Variants in AKT3 observed in about 807,000 individuals in gnomAD.
AKT3 encodes AKT serine/threonine kinase 3.
AKT3 carries 15 observed loss-of-function variants against 65.3 expected under a neutral mutation model. That is an observed-to-expected ratio of 0.23 (90% confidence interval 0.15 to 0.35). The LOEUF is 0.35. Ranked by LOEUF, AKT3 falls within the 10% of genes least tolerant of loss-of-function variation. The pLI is 1.00. For synonymous variants in AKT3, 206 were observed against 183.8 expected (o/e 1.12, Z -0.98); for missense variants, 243 against 576.5 (o/e 0.42, Z 5.92).
chr1:243,791,235 G>A (rs1229314232), intron 2 of AKT3, among the ~76,000 whole-genome samples: 2 of 151,692 alleles, frequency 1.3e-5, no homozygotes, highest in African/African-American at 4.8e-5. Flanking sequence ...GTATTGTTTA[G>A]GGGAAAATAA....
intron 4 of AKT3, among the ~76,000 whole-genome samples, chr1:243,659,909 A>G (rs922718457): frequency 1.3e-5 from 2 of 152,196 alleles, no homozygotes; most frequent in African/African-American, 4.8e-5. Flanking sequence ...TTTTTGTATC[A>G]ATGTTCATCA....
rs1302270083 is a variant in AKT3, at chr1:243,717,566, TGA to T, written c.47-21852_47-21851del. 3.3e-5 allele frequency among the ~76,000 whole-genome samples: 5 copies of T among 152,208 alleles called. No individual in the cohort carries two copies. In the East Asian group the frequency reaches 7.7e-4, roughly 23 times the overall value. On this transcript the variant is annotated intron_variant, in intron 2 of 13. Coordinates refer to ENST00000673466, the MANE Select transcript of AKT3 (RefSeq NM_005465.7). The stretch of plus-strand genomic sequence containing the variant: ...TTGCTTTCATTCTCCTTACTTCATA[TGA>T]GAGACAAGTCAGATATTAATATTAC...
rs183331479 is a variant in AKT3 at position 243,695,459 on chromosome 1, A to C, written c.172+132T>G. On this transcript the variant is annotated intron_variant, in intron 3 of 13. Coordinates refer to ENST00000673466, the MANE Select transcript of AKT3 (RefSeq NM_005465.7). The stretch of plus-strand genomic sequence containing the variant: ...ATGCTAAGGGACTGAAATTCTATCA[A>C]AGCTGAAAATTTCTCTATTAAATAT... The C allele has an allele frequency of 2.7e-3, 2,032 of 752,642 alleles. 11 individuals carry two copies. Among genetic ancestry groups the C allele is most frequent in the Admixed American group, 4.9e-3 (146 of 29,886 alleles). 46.6% of individuals were successfully genotyped at this position (752,642 alleles called of 1,614,324 possible). A position where few individuals can be genotyped will look rare whatever the true frequency, so the allele number is the denominator to read the frequency against.
At chr1:243,630,992 C>G (rs1254954849) in intron 6 of AKT3, among the ~76,000 whole-genome samples, 1 of 149,412 alleles carries the variant, frequency 6.7e-6, no homozygotes, top group Non-Finnish European at 1.5e-5. Flanking sequence ...TTTTTCCATA[C>G]AGGCATACGT....
chr1:243,693,594 T>C (rs1210244215), intron 3 of AKT3, among the ~76,000 whole-genome samples: 1 of 152,022 alleles, frequency 6.6e-6, no homozygotes, highest in East Asian at 1.9e-4. Context: ...CAAATGTTTC[T>C]AACATGCTGA....
Position 243,545,604 on chromosome 1 carries a change from G to A in AKT3, c.1164-7C>T, listed in dbSNP as rs187627364. 1.3e-5 allele frequency: 21 copies of A among 1,596,702 alleles called. No homozygotes were observed. The Admixed American group carries it at 1.3e-4, about 10-fold the overall frequency. On this transcript the variant is annotated splice_polypyrimidine_tract_variant and splice_region_variant and intron_variant, in intron 11 of 13. Coordinates refer to ENST00000673466, the MANE Select transcript of AKT3 (RefSeq NM_005465.7). ...ATCTGGTCCTCCACCAAGGCTATGA[G>A]AACAGAAATAAAATTAAGTAAGTAT...
intron 2 of AKT3, among the ~76,000 whole-genome samples, chr1:243,842,372 G>T (rs935773900): frequency 6.6e-6 from 1 of 152,152 alleles, no homozygotes; most frequent in East Asian, 1.9e-4. Context: ...TGGGTAAACA[G>T]TAGTTGCCTA....
chr1:243,659,964 G>A (rs1682159054), intron 4 of AKT3, among the ~76,000 whole-genome samples: 1 of 152,062 alleles, frequency 6.6e-6, no homozygotes, highest in African/African-American at 2.4e-5. Context: ...GTCTCTGCCA[G>A]GCTTTGGTAT....
Position 243,757,388 on chromosome 1 carries a change from C to T in AKT3, c.47-61672G>A, listed in dbSNP as rs376563170. ...AACCCAGCACTTTGGGAGGCTGAGGCGGGTGGATCACCTGAGGTCAGGACT... is the reference window on the plus strand; with the variant it reads ...AACCCAGCACTTTGGGAGGCTGAGGTGGGTGGATCACCTGAGGTCAGGACT... On this transcript the variant is annotated intron_variant, in intron 2 of 13. Transcript: ENST00000673466. Among the ~76,000 whole-genome samples, 30 of 152,214 alleles carry T rather than the reference C, an allele frequency of 2.0e-4. No homozygotes were observed. The East Asian group carries it at 2.3e-3, about 12-fold the overall frequency.
intron 8 of AKT3, among the ~76,000 whole-genome samples, chr1:243,582,573 A>G (rs774941957): frequency 2.0e-5 from 3 of 152,170 alleles, no homozygotes; most frequent in Non-Finnish European, 4.4e-5. Flanking sequence ...AATTTGTTAC[A>G]ACTAGACCAG....
chr1:243,692,978 A>T (rs1684796646), intron 3 of AKT3, among the ~76,000 whole-genome samples: 1 of 151,892 alleles, frequency 6.6e-6, no homozygotes, highest in East Asian at 2.0e-4. Context: ...GGAGGAAGCT[A>T]GACTGCAGTG....
At chr1:243,757,572 C>T (rs564780981) in intron 2 of AKT3, among the ~76,000 whole-genome samples, 2 of 151,752 alleles carry the variant, frequency 1.3e-5, no homozygotes, top group Non-Finnish European at 2.9e-5. Context: ...GAGCCAAGAT[C>T]GTGCCACTGC....
rs537941078 is a variant in AKT3, at chr1:243,513,156, C to T, written c.1252-730G>A. Among the ~76,000 whole-genome samples, 3 of 152,262 alleles carry T rather than the reference C, an allele frequency of 2.0e-5. No homozygotes were observed. The South Asian group carries it at 6.2e-4, about 32-fold the overall frequency. On this transcript the variant is annotated intron_variant, in intron 12 of 13. Coordinates refer to ENST00000673466, the MANE Select transcript of AKT3 (RefSeq NM_005465.7). The stretch of plus-strand genomic sequence containing the variant: ...GAAGGTGGGGGTGGAAGGAAAGTCT[C>T]GGGCTACTGGAGGTTTCAGGAGCCG...
chr1:243,522,633 GGC>G (rs1670792658), intron 12 of AKT3, among the ~76,000 whole-genome samples: 1 of 151,820 alleles, frequency 6.6e-6, no homozygotes, highest in Non-Finnish European at 1.5e-5. Context: ...GAGAGACCCT[GGC>G]TCAAAAATTT....
intron 2 of AKT3, among the ~76,000 whole-genome samples, chr1:243,767,607 A>G (rs9428971): frequency 0.045 from 6,912 of 152,174 alleles, 538 homozygotes; most frequent in African/African-American, 0.16. Context: ...AAAATACCCA[A>G]TAGTATATAT....
intron 6 of AKT3, among the ~76,000 whole-genome samples, chr1:243,629,497 A>T (rs987406270): frequency 4.0e-5 from 6 of 151,754 alleles, no homozygotes; most frequent in Non-Finnish European, 2.9e-5. Context: ...AAATAAGTAG[A>T]TATGGGAGAT....
chr1:243,528,726 T>C (rs1671323990), intron 12 of AKT3, among the ~76,000 whole-genome samples: 1 of 152,244 alleles, frequency 6.6e-6, no homozygotes. Context: ...CTGTAATTGA[T>C]GGGCATTTAG....
intron 6 of AKT3, chr1:243,624,530 A>T (rs1679007247): frequency 6.6e-6 from 1 of 152,522 alleles, no homozygotes; most frequent in Non-Finnish European, 1.5e-5. Flanking sequence ...CAAACTCTTA[A>T]ATCACCATTT....
Position 243,620,422 on chromosome 1 carries a change from TG to T in AKT3, c.562-5262del, listed in dbSNP as rs1316620528. On this transcript the variant is annotated intron_variant, in intron 6 of 13. Coordinates refer to ENST00000673466, the MANE Select transcript of AKT3 (RefSeq NM_005465.7). ...GTGGTTTTGATTTGCATTTCCCTGA[TG>T]AGTAGTGATATGACACACTTTTACA... Among the ~76,000 whole-genome samples the T allele has an allele frequency of 3.4e-3, 138 of 41,184 alleles. 51 individuals carry two copies. The highest frequency in any genetic ancestry group is 0.013 in the Non-Finnish European group (91 of 7,164). 27.0% of individuals were successfully genotyped at this position (41,184 alleles called of 152,430 possible).
Sources: gnomAD v4.1 joint callset for allele counts (sites outside exome capture counted in the v4.1 genomes callset) on GRCh38, gnomAD v4.1.1 for gene constraint, MANE v1.5 for transcripts, NCBI Gene and HGNC (gene_info 2026-07-23, HGNC 2026-07-21) for gene names.